Variants in ZBTB16 observed in about 807,000 individuals in gnomAD.
ZBTB16 encodes zinc finger and BTB domain containing 16, also known as zinc finger and BTB domain-containing protein 16.
Under a neutral mutation model 56.8 loss-of-function variants are expected in ZBTB16, and 8 were observed. The ratio of observed to expected loss-of-function variants is 0.14; its 90% confidence interval spans 0.08 to 0.25. The LOEUF (loss-of-function observed/expected upper bound fraction) is 0.25, where lower values mean the gene tolerates loss of function less well. ZBTB16 is among the 10% of genes least tolerant of loss of function. The probability of loss-of-function intolerance (pLI) is 1.00; values close to 1 mark genes in which losing one functional copy is unlikely to be tolerated. For missense variants in ZBTB16, 625 were observed against 903.0 expected (o/e 0.69, Z 3.95); for synonymous variants, 363 against 368.5 (o/e 0.98, Z 0.17).
At chr11:114,117,924 A>T (rs1941223552) in intron 2 of ZBTB16, among the ~76,000 whole-genome samples, 1 of 152,148 alleles carries the variant, frequency 6.6e-6, no homozygotes, top group South Asian at 2.1e-4. Flanking sequence ...TGGAGAGCAG[A>T]GATAGATATT....
intron 3 of ZBTB16, among the ~76,000 whole-genome samples, chr11:114,163,166 C>T (rs1353495601): frequency 6.6e-6 from 1 of 152,010 alleles, no homozygotes; most frequent in African/African-American, 2.4e-5. Flanking sequence ...TTCCTCTCCC[C>T]TTTTACTCTC....
intron 2 of ZBTB16, among the ~76,000 whole-genome samples, chr11:114,105,439 C>T (rs192088079): frequency 5.3e-5 from 8 of 152,180 alleles, no homozygotes; most frequent in Admixed American, 3.3e-4. Context: ...GGGGTTTCGC[C>T]GTGTTGGCCA....
intron 3 of ZBTB16, among the ~76,000 whole-genome samples, chr11:114,161,743 C>T (rs1942595710): frequency 6.6e-6 from 1 of 152,162 alleles, no homozygotes; most frequent in African/African-American, 2.4e-5. Context: ...CCCTGAAGCA[C>T]TGGAGAGCCA....
chr11:114,241,233 T>TAAA (rs60753205), intron 4 of ZBTB16, among the ~76,000 whole-genome samples: 1 of 143,178 alleles, frequency 7.0e-6, no homozygotes, highest in Non-Finnish European at 1.5e-5. Context: ...GAGAAGTAGT[T>TAAA]AAAAAAAAAA....
intron 4 of ZBTB16, among the ~76,000 whole-genome samples, chr11:114,216,593 T>C (rs1354074763): frequency 6.6e-6 from 1 of 152,162 alleles, no homozygotes; most frequent in Admixed American, 6.6e-5. Context: ...GACAGTGCTA[T>C]CAGCCTAAAC....
Position 114,250,327 on chromosome 11 carries a change from T to C in ZBTB16, c.1794T>C (p.Gly598=), listed in dbSNP as rs770086813. The change falls in exon 7 of 7, where the codon GGT becomes GGC. Residue 598 remains glycine (G), a splice_region_variant and synonymous_variant. Coordinates refer to ENST00000335953, the MANE Select transcript of ZBTB16 (RefSeq NM_006006.6). This position sits in a 1 kb window ranked among gnomAD's most constrained non-coding sequence, Gnocchi z 6.0. ...CCTGCCCTGTCCCTCCGCCCTCAGG[T>C]GAGAAGCCCTTTGAGTGTAAGCTCT... is the stretch of plus-strand genomic sequence containing the variant. The part of the protein sequence containing the change: ...QLETHYRVHT[G]EKPFECKLCH... 4.3e-6 allele frequency: 7 copies of C among 1,611,762 alleles called. No homozygotes were observed. The highest frequency in any genetic ancestry group is 1.7e-5 in the Admixed American group (1 of 60,020).
chr11:114,155,808 G>A (rs1200275008), intron 2 of ZBTB16, among the ~76,000 whole-genome samples: 1 of 152,142 alleles, frequency 6.6e-6, no homozygotes, highest in Non-Finnish European at 1.5e-5. Flanking sequence ...ATGTCTATAA[G>A]GGCATCAATT....
intron 4 of ZBTB16, among the ~76,000 whole-genome samples, chr11:114,240,266 A>G (rs1944675113): frequency 6.6e-6 from 1 of 152,172 alleles, no homozygotes; most frequent in Admixed American, 6.5e-5. Context: ...CTACTAGTCC[A>G]TCCTAACCCA....
At chr11:114,075,607 CCA>C (rs1939528233) in intron 2 of ZBTB16, among the ~76,000 whole-genome samples, 1 of 141,794 alleles carries the variant, frequency 7.1e-6, no homozygotes, top group Admixed American at 7.1e-5. Flanking sequence ...CAGGGGTGCA[CCA>C]CCACACCTGG....
chr11:114,212,136 G>GA (rs930318554), intron 4 of ZBTB16, among the ~76,000 whole-genome samples: 6 of 151,986 alleles, frequency 3.9e-5, no homozygotes, highest in African/African-American at 1.5e-4. Flanking sequence ...TTTTCCTTGG[G>GA]AAAGGGGGGA....
intron 4 of ZBTB16, among the ~76,000 whole-genome samples, chr11:114,220,806 G>A (rs1221849208): frequency 6.6e-6 from 1 of 152,248 alleles, no homozygotes; most frequent in Non-Finnish European, 1.5e-5. Context: ...TGAGGACAGA[G>A]TGAGCTGGGG....
chr11:114,239,004 C>T (rs923338903), intron 4 of ZBTB16, among the ~76,000 whole-genome samples: 3 of 152,234 alleles, frequency 2.0e-5, no homozygotes, highest in Non-Finnish European at 4.4e-5. Context: ...CCTTAGCCTG[C>T]CCCTGGTCAC....
intron 2 of ZBTB16, among the ~76,000 whole-genome samples, chr11:114,149,387 A>G (rs1172575414): frequency 2.6e-5 from 4 of 152,158 alleles, no homozygotes; most frequent in African/African-American, 9.7e-5. Flanking sequence ...AAACGGTTCC[A>G]AAACAACCAA....
intron 2 of ZBTB16, among the ~76,000 whole-genome samples, chr11:114,094,111 C>T (rs954863528): frequency 1.8e-4 from 28 of 152,022 alleles, no homozygotes; most frequent in Admixed American, 1.4e-3. Context: ...GTCAGGAGAT[C>T]GAGACCATCC....
intron 4 of ZBTB16, among the ~76,000 whole-genome samples, chr11:114,239,679 G>A (rs1944661793): frequency 6.8e-6 from 1 of 146,964 alleles, no homozygotes; most frequent in African/African-American, 2.4e-5. Flanking sequence ...GAAGGCCTCA[G>A]AGAGCTATGC....
intron 3 of ZBTB16, among the ~76,000 whole-genome samples, chr11:114,172,109 A>G (rs1482974922): frequency 6.6e-6 from 1 of 152,058 alleles, no homozygotes. Context: ...CATCCCCTCA[A>G]TCCTCCTGCT....
intron 6 of ZBTB16, among the ~76,000 whole-genome samples, chr11:114,248,016 G>A (rs1311165801): frequency 6.6e-6 from 1 of 151,944 alleles, no homozygotes; most frequent in African/African-American, 2.4e-5. Context: ...TCCTGCCTCA[G>A]CCTCCCAATT....
chr11:114,207,590 AACACACAC>A lies in ZBTB16; in HGVS notation c.1453+20582_1453+20589del, dbSNP rs66489516. Reference sequence around the variant, plus strand: ...TCTTGTTTGCCTGATACACACACACAACACACACACACACACACACACACACACACACA... The same window carrying A: ...TCTTGTTTGCCTGATACACACACACAACACACACACACACACACACACACA... On this transcript the variant is annotated intron_variant, in intron 4 of 6. Transcript: ENST00000335953. 2.2e-3 allele frequency among the ~76,000 whole-genome samples: 316 copies of A among 143,718 alleles called. 1 individual carries two copies. Among genetic ancestry groups the A allele is most frequent in the African/African-American group, 7.9e-3 (305 of 38,632 alleles). 94.3% of individuals were successfully genotyped at this position (143,718 alleles called of 152,430 possible).
chr11:114,167,581 T>TGA (rs1285616613), intron 3 of ZBTB16, among the ~76,000 whole-genome samples: 1 of 152,102 alleles, frequency 6.6e-6, no homozygotes, highest in Non-Finnish European at 1.5e-5. Flanking sequence ...AATGCATAAA[T>TGA]GTCCTTGGCC....
Sources: gnomAD v4.1 joint callset for allele counts (sites outside exome capture counted in the v4.1 genomes callset) on GRCh38, gnomAD v4.1.1 for gene constraint, Gnocchi (gnomAD v3.1) non-coding constraint, MANE v1.5 for transcripts, NCBI Gene and HGNC (gene_info 2026-07-23, HGNC 2026-07-21) for gene names.